The following ENOSF1 variants were observed in gnomAD, a reference collection of about 807,000 sequenced individuals.
ENOSF1 encodes the protein enolase superfamily member 1.
Under a neutral mutation model 68.2 loss-of-function variants are expected in ENOSF1, and 73 were observed. The observed-to-expected ratio is 1.07, with a 90% confidence interval of 0.89 to 1.30. The LOEUF is 1.30. ENOSF1 is among the 50% of genes most tolerant of loss of function. The pLI, the probability that ENOSF1 is intolerant of heterozygous loss-of-function variation, is 0.00. For missense variants in ENOSF1, 589 were observed against 554.5 expected (o/e 1.06, Z -0.62); for synonymous variants, 223 against 210.4 (o/e 1.06, Z -0.52).
chr18:670,919 A>G lies in ENOSF1; in HGVS notation c.*3386T>C, dbSNP rs750489412. 6.9e-6 allele frequency: 11 copies of G among 1,585,158 alleles called. No individual in the cohort carries two copies. In the South Asian group the frequency reaches 9.1e-5, roughly 13 times the overall value. On this transcript the variant is annotated 3_prime_UTR_variant, in exon 16 of 16. Transcript: ENST00000647584. ...GCCAGCCTACCACACTGAGCTCTTC[A>G]GTTCTTTAATATGGGAAAACAAATT...
At chr18:689,480 C>T (rs1165422986) in intron 8 of ENOSF1, among the ~76,000 whole-genome samples, 1 of 152,132 alleles carries the variant, frequency 6.6e-6, no homozygotes, top group Non-Finnish European at 1.5e-5. Flanking sequence ...CGGGGTTTCA[C>T]CATGTTGGCC....
rs1384729908 is a variant in ENOSF1 at position 688,581 on chromosome 18, A to G, written c.646T>C (p.Trp216Arg). ...GTCCATCATCACACTCACCTGGTCC[A>G]GCCATCCTTCAGCGCCTGGGCACAG... ...QLCAQALKDG[W>R]TRFKVKVGAD... is the part of the protein sequence containing the mutation. Residue 216 changes from tryptophan to arginine, a missense_variant, in exon 9 of 16, where the codon TGG becomes CGG. Trp to Arg is a moderately radical substitution (Grantham distance 101). Coordinates refer to ENST00000647584, the MANE Select transcript of ENOSF1 (RefSeq NM_017512.7). 1 of 1,614,086 alleles carries G rather than the reference A, an allele frequency of 6.2e-7. No individual in the cohort carries two copies. Among genetic ancestry groups the G allele is most frequent in the Non-Finnish European group, 8.5e-7 (1 of 1,180,006 alleles).
In ENOSF1 at chr18:671,001, C is replaced by T. The variant is rs1050466148; in HGVS notation, c.*3304G>A. 47 of 1,078,272 alleles carry T rather than the reference C, an allele frequency of 4.4e-5. No individual in the cohort carries two copies. The highest frequency in any genetic ancestry group is 5.9e-5 in the Non-Finnish European group (45 of 765,922). The allele number at this position is 1,078,272 out of a possible 1,614,324, so 66.8% of individuals were successfully genotyped here. A position where few individuals can be genotyped will look rare whatever the true frequency, so the allele number is the denominator to read the frequency against. ...TTGATATGTGTAAGTAAGAAATGAACCAGCTTTTACTTTGAAACCTTCCTC... is the reference window on the plus strand; with the variant it reads ...TTGATATGTGTAAGTAAGAAATGAATCAGCTTTTACTTTGAAACCTTCCTC... On this transcript the variant is annotated 3_prime_UTR_variant, in exon 16 of 16. Transcript: ENST00000647584.
At chr18:706,039 G>T (rs1415685308) in intron 2 of ENOSF1, among the ~76,000 whole-genome samples, 1 of 151,948 alleles carries the variant, frequency 6.6e-6, no homozygotes, top group Non-Finnish European at 1.5e-5. Flanking sequence ...ATTGAAAAGC[G>T]AGTAGACGTG....
chr18:667,604 TGGTGATGGAGATG>T (rs1470272430), downstream of ENOSF1: 3 of 105,296 alleles, frequency 2.8e-5, 1 homozygote, highest in East Asian at 3.8e-4. Flanking sequence ...GTGATGGTGA[TGGTGATGGAGATG>T]GGTGATGGTG....
In ENOSF1 at chr18:679,141, G is replaced by GTCA. The variant is rs1332998681; in HGVS notation, c.877-407_877-405dup. ...ACCTTTGGACGACTCCTTCCTGTGG[G>GTCA]TCATCACTCCATCAATTCCCTTCTT... On this transcript the variant is annotated intron_variant, in intron 11 of 15. Coordinates refer to ENST00000647584, the MANE Select transcript of ENOSF1 (RefSeq NM_017512.7). Among the ~76,000 whole-genome samples the GTCA allele has an allele frequency of 2.6e-5, 4 of 151,928 alleles. No individual in the cohort carries two copies. The East Asian group carries it at 7.7e-4, about 29-fold the overall frequency.
chr18:690,440 C>A, intron 8 of ENOSF1, 109 bp downstream of exon 8: 1 of 1,231,814 alleles, frequency 8.1e-7, no homozygotes. Context: ...AAACCACACA[C>A]ATCTGGTGTC....
chr18:700,890 C>CAAAAAAA (rs71174273), intron 2 of ENOSF1, among the ~76,000 whole-genome samples: 5 of 64,894 alleles, frequency 7.7e-5, no homozygotes, highest in African/African-American at 1.2e-4. Flanking sequence ...AACTCTGCCT[C>CAAAAAAA]AAAAAAAAAA....
intron 8 of ENOSF1, among the ~76,000 whole-genome samples, chr18:689,347 C>T (rs993881596): frequency 5.9e-5 from 9 of 152,182 alleles, no homozygotes; most frequent in South Asian, 4.1e-4. Context: ...GTGGCGTGAT[C>T]TCGGCTCATT....
At chr18:666,981 A>C (rs2847610), downstream of ENOSF1, among the ~76,000 whole-genome samples, 142 of 8,446 alleles carry the variant, frequency 0.017, 11 homozygotes, top group African/African-American at 0.077. Flanking sequence ...ATGGAGATGG[A>C]GATGGTGATG....
At chr18:667,189 G>GGT, downstream of ENOSF1, among the ~76,000 whole-genome samples, 1 of 96,764 alleles carries the variant, frequency 1.0e-5, no homozygotes, top group African/African-American at 6.3e-5. Context: ...TGATGGTGAT[G>GGT]GAGATGGTGA....
At chr18:669,295 G>A, downstream of ENOSF1, 1 of 285,400 alleles carries the variant, frequency 3.5e-6, no homozygotes, top group Non-Finnish European at 5.1e-6. Context: ...CCACATGGTT[G>A]ATTGTGTGAC....
chr18:681,822 C>A lies in ENOSF1; in HGVS notation c.876+1424G>T, dbSNP rs979097535. On this transcript the variant is annotated intron_variant, in intron 11 of 15. Coordinates refer to ENST00000647584, the MANE Select transcript of ENOSF1 (RefSeq NM_017512.7). ...CACATATCTCGGCTGTTCTCTCCAG[C>A]GAGGCTGCAATGTGGAAGGGGAGGG... 3.9e-5 allele frequency among the ~76,000 whole-genome samples: 6 copies of A among 152,272 alleles called. 1 individual carries two copies. In the South Asian group the frequency reaches 6.2e-4, roughly 16 times the overall value.
chr18:695,353 C>G (rs2077608065), intron 3 of ENOSF1, among the ~76,000 whole-genome samples: 1 of 152,110 alleles, frequency 6.6e-6, no homozygotes. Context: ...GGATTGTTAA[C>G]TTTTACCACT....
At chr18:667,059 AGATGGT>A (rs1406689485), downstream of ENOSF1, among the ~76,000 whole-genome samples, 57 of 18,554 alleles carry the variant, frequency 3.1e-3, 13 homozygotes, top group Admixed American at 3.6e-3. Context: ...ATGGAGATGG[AGATGGT>A]GATGGTGATG....
At chr18:706,673 A>G in intron 1 of ENOSF1, 95 bp from the exon 2 acceptor site, 1 of 893,696 alleles carries the variant, frequency 1.1e-6, no homozygotes, top group Non-Finnish European at 1.9e-6. Context: ...ACAATGCCAC[A>G]GGGGCCGTGC....
intron 15 of ENOSF1, among the ~76,000 whole-genome samples, chr18:675,080 T>G (rs1242904918): frequency 6.6e-6 from 1 of 152,204 alleles, no homozygotes; most frequent in African/African-American, 2.4e-5. Flanking sequence ...GTGCAAATGT[T>G]AAGATCTCCA....
Position 671,767 on chromosome 18 carries a change from G to A in ENOSF1, c.*2538C>T, listed in dbSNP as rs536371985. 78 of 321,778 alleles carry A rather than the reference G, an allele frequency of 2.4e-4. No individual in the cohort carries two copies. In the Admixed American group the frequency reaches 3.2e-3, roughly 13 times the overall value. The allele number at this position is 321,778 out of a possible 1,614,324, so 19.9% of individuals were successfully genotyped here. ...TTTTAACTTGAAGGAGAATTGAAGTGCAAATGTTTTTCCTTTTCTTTTTTT... is the reference window on the plus strand; with the variant it reads ...TTTTAACTTGAAGGAGAATTGAAGTACAAATGTTTTTCCTTTTCTTTTTTT... On this transcript the variant is annotated 3_prime_UTR_variant, in exon 16 of 16. Coordinates refer to ENST00000647584, the MANE Select transcript of ENOSF1 (RefSeq NM_017512.7).
At chr18:693,218 T>C (rs771594311) in intron 5 of ENOSF1, 4 of 1,289,162 alleles carry the variant, frequency 3.1e-6, no homozygotes, top group South Asian at 1.2e-5. Flanking sequence ...GTCAAGTGCA[T>C]AGCTTTAGAA....
Sources: gnomAD v4.1 joint callset for allele counts (sites outside exome capture counted in the v4.1 genomes callset) on GRCh38, gnomAD v4.1.1 for gene constraint, MANE v1.5 for transcripts, NCBI Gene and HGNC (gene_info 2026-07-23, HGNC 2026-07-21) for gene names.